TKT: variants seen among roughly 807,000 people sequenced by gnomAD.
TKT encodes the protein epididymis luminal protein 107.
In TKT, 47 loss-of-function variants were observed where a neutral mutation model predicts 63.9. That is an observed-to-expected ratio of 0.74 (90% CI 0.58 to 0.94). The LOEUF (loss-of-function observed/expected upper bound fraction) is 0.94, where lower values mean the gene tolerates loss of function less well. TKT is among the 40% of genes least tolerant of loss of function. TKT has a pLI of 0.00. For synonymous variants in TKT, 338 were observed against 334.1 expected, an observed-to-expected ratio of 1.01 and a Z score of -0.13; for missense variants, 721 against 846.2, an observed-to-expected ratio of 0.85 and a Z score of 1.84.
intron 1 of TKT, among the ~76,000 whole-genome samples, chr3:53,245,573 C>T (rs1705469742): frequency 6.6e-6 from 1 of 152,122 alleles, no homozygotes; most frequent in Admixed American, 6.5e-5. Context: ...CACCTGAGGT[C>T]AGCGGCTCAA....
At chr3:53,249,427 CA>C (rs1389705690) in intron 1 of TKT, among the ~76,000 whole-genome samples, 4 of 151,774 alleles carry the variant, frequency 2.6e-5, no homozygotes, top group Admixed American at 6.6e-5. Flanking sequence ...ACTGAAAATG[CA>C]AAAATTAGCT....
At chr3:53,228,725 C>T (rs1704610391) in intron 10 of TKT, 2 of 534,872 alleles carry the variant, frequency 3.7e-6, no homozygotes, top group Admixed American at 6.4e-5. Flanking sequence ...CTTGGAGAAC[C>T]CAACTCAGGA....
chr3:53,234,813 T>G (rs1704938685), intron 5 of TKT, 170 bp downstream of exon 5: 1 of 623,020 alleles, frequency 1.6e-6, no homozygotes, highest in Non-Finnish European at 2.5e-6. Context: ...TCCTGAGCCA[T>G]TAAGTCCAAA....
chr3:53,231,084 G>T (rs1181835547), intron 7 of TKT, among the ~76,000 whole-genome samples: 1 of 152,196 alleles, frequency 6.6e-6, no homozygotes, highest in Non-Finnish European at 1.5e-5. Context: ...GCAAGAACTT[G>T]GGAGTGAGTC....
At chr3:53,233,551 CTCTT>C in intron 5 of TKT, 1 of 336,428 alleles carries the variant, frequency 3.0e-6, no homozygotes. Context: ...CCTTTATTGT[CTCTT>C]TCATTCCTGA....
chr3:53,249,536 C>T lies in TKT; in HGVS notation c.107+6300G>A, dbSNP rs1022039192. Among the ~76,000 whole-genome samples, 3 of 151,988 alleles carry T rather than the reference C, an allele frequency of 2.0e-5. No homozygotes were observed. In the East Asian group the frequency reaches 5.8e-4, roughly 30 times the overall value. On this transcript the variant is annotated intron_variant, in intron 1 of 13. Transcript: ENST00000462138. ...TGTGGAGGTTACAGTGAGCCAAGAT[C>T]GCCGCCCCACTGCACTCCAGCCTGG...
intron 13 of TKT, 66 bp downstream of exon 13, chr3:53,226,690 G>A (rs1431708132): frequency 6.2e-6 from 10 of 1,608,450 alleles, no homozygotes; most frequent in African/African-American, 4.0e-5. Flanking sequence ...GATAGAAGAG[G>A]CACGTCCAAC....
chr3:53,233,929 C>G (rs1704888463), intron 5 of TKT: 1 of 152,264 alleles, frequency 6.6e-6, no homozygotes, highest in Admixed American at 6.5e-5. Flanking sequence ...ATTGTACAGA[C>G]AAATCAACTG....
At chr3:53,237,149 T>G (rs781892200) in intron 4 of TKT, among the ~76,000 whole-genome samples, 3 of 151,432 alleles carry the variant, frequency 2.0e-5, no homozygotes, top group Non-Finnish European at 4.4e-5. Context: ...TCTGGGAGGC[T>G]GAAGTAGGGA....
chr3:53,232,519 C>A (rs1704813045), intron 6 of TKT: 1 of 398,740 alleles, frequency 2.5e-6, no homozygotes, highest in East Asian at 3.6e-5. Flanking sequence ...TGTCCCCGGG[C>A]AAGTCCCTGA....
chr3:53,226,410 C>T, intron 13 of TKT: 1 of 318,274 alleles, frequency 3.1e-6, no homozygotes, highest in South Asian at 3.4e-5. Context: ...GTGTGAAGGA[C>T]TCACAAATAC....
intron 13 of TKT, 138 bp from the exon 14 acceptor site, chr3:53,226,069 C>G: frequency 1.4e-6 from 1 of 719,040 alleles, no homozygotes; most frequent in Non-Finnish European, 2.1e-6. Context: ...ATGAGCCCAT[C>G]ACATAACTCA....
rs199886104 is a variant in TKT, at chr3:53,255,957, G to C, written c.-15C>G. The C allele has an allele frequency of 2.1e-3, 3,190 of 1,499,740 alleles. 62 individuals are homozygous for C. In the African/African-American group the frequency reaches 0.038, roughly 18 times the overall value. The allele number at this position is 1,499,740 out of a possible 1,614,324, so 92.9% of individuals were successfully genotyped here. A position where few individuals can be genotyped will look rare whatever the true frequency, so the allele number is the denominator to read the frequency against. On this transcript the variant is annotated 5_prime_UTR_variant, in exon 1 of 14. Coordinates refer to ENST00000462138, the MANE Select transcript of TKT (RefSeq NM_001064.4). ...TAGCTCTCCATGGTGCGGCAGGCGG[G>C]GACCGGGCGCACACGCGGACACACA...
intron 2 of TKT, 130 bp from the exon 3 acceptor site, chr3:53,241,375 C>G: frequency 1.4e-6 from 1 of 715,370 alleles, no homozygotes. Context: ...GGGGAGGAAG[C>G]AAGTGAAGGC....
rs782533316 is a variant in TKT at position 53,231,394 on chromosome 3, C to A, written c.905G>T (p.Arg302Leu). 5 of 1,613,736 alleles carry A rather than the reference C, an allele frequency of 3.1e-6. No homozygotes were observed. The highest frequency in any genetic ancestry group is 1.7e-5 in the Admixed American group (1 of 59,996). ...TTTGTAGCTGGGCAGGCTGGGCATG[C>A]GGATGTTGGCAATGTCCACTGAGGG... ...DAPSVDIANIRMPSLPSYKVG... is the reference protein window; with the variant it reads ...DAPSVDIANILMPSLPSYKVG... The change falls in exon 7 of 14, where the codon CGC becomes CTC. Residue 302 changes from arginine to leucine, a missense_variant. Physicochemically the swap from Arg to Leu is moderately radical, Grantham distance 102. Coordinates refer to ENST00000462138, the MANE Select transcript of TKT (RefSeq NM_001064.4).
chr3:53,245,814 A>G (rs62255995), intron 1 of TKT, among the ~76,000 whole-genome samples: 16,320 of 152,220 alleles, frequency 0.11, 984 homozygotes, highest in South Asian at 0.14. Context: ...AAAATAATTT[A>G]CCAAAACTGA....
rs1704535170 is a variant in TKT at position 53,227,140 on chromosome 3, C to T, written c.1574-262G>A. 1.0e-5 allele frequency: 4 copies of T among 401,920 alleles called. No individual in the cohort carries two copies. The Admixed American group carries it at 1.7e-4, about 17-fold the overall frequency. The allele number at this position is 401,920 out of a possible 1,614,324, so 24.9% of individuals were successfully genotyped here. A position where few individuals can be genotyped will look rare whatever the true frequency, so the allele number is the denominator to read the frequency against. ...CAGAGCGGAGCGTGCAGGCCCTGAG[C>T]GCCTTCCCTCATCCTCCCACAACCT... On this transcript the variant is annotated intron_variant, in intron 12 of 13. Coordinates refer to ENST00000462138, the MANE Select transcript of TKT (RefSeq NM_001064.4).
intron 7 of TKT, among the ~76,000 whole-genome samples, chr3:53,230,835 G>C (rs1704723768): frequency 6.6e-6 from 1 of 152,254 alleles, no homozygotes; most frequent in Non-Finnish European, 1.5e-5. Context: ...TTCTGGCTGT[G>C]AAAGGTATAA....
intron 3 of TKT, 122 bp downstream of exon 3, chr3:53,241,010 A>G (rs1289631250): frequency 1.3e-6 from 1 of 793,568 alleles, no homozygotes; most frequent in African/African-American, 1.8e-5. Context: ...CCTCAACTCA[A>G]TGCCCTCCTC....
Sources: gnomAD v4.1 joint callset for allele counts (sites outside exome capture counted in the v4.1 genomes callset) on GRCh38, gnomAD v4.1.1 for gene constraint, MANE v1.5 for transcripts, NCBI Gene and HGNC (gene_info 2026-07-23, HGNC 2026-07-21) for gene names.